Variants in CFAP69 observed in about 807,000 individuals in gnomAD.
CFAP69 encodes the protein cilia and flagella associated protein 69.
Under a neutral mutation model 123.0 loss-of-function variants are expected in CFAP69, and 92 were observed. The ratio of observed to expected loss-of-function variants is 0.75; its 90% CI spans 0.63 to 0.89. The LOEUF (loss-of-function observed/expected upper bound fraction) is 0.89. CFAP69 is among the 40% of genes least tolerant of loss of function. CFAP69 has a pLI of 0.00. For missense variants in CFAP69, 1,067 were observed against 1,096.9 expected (o/e 0.97, Z 0.39); for synonymous variants, 380 against 364.3 (o/e 1.04, Z -0.49).
chr7:90,290,374 T>A (rs958584123), intron 15 of CFAP69, among the ~76,000 whole-genome samples: 13 of 152,164 alleles, frequency 8.5e-5, no homozygotes, highest in African/African-American at 2.9e-4. Flanking sequence ...ATATTTCCAT[T>A]TGAGTCTGAA....
At chr7:90,266,388 T>A (rs961355326) in intron 5 of CFAP69, among the ~76,000 whole-genome samples, 1 of 152,070 alleles carries the variant, frequency 6.6e-6, no homozygotes, top group African/African-American at 2.4e-5. Context: ...AATATGGGAA[T>A]TTTTAATTAT....
At chr7:90,249,355 A>G (rs970929351) in intron 1 of CFAP69, among the ~76,000 whole-genome samples, 3 of 152,100 alleles carry the variant, frequency 2.0e-5, no homozygotes, top group Non-Finnish European at 2.9e-5. Flanking sequence ...TGGAACTGTG[A>G]GTCAATTAAA....
At chr7:90,312,102 A>G (rs992664630), downstream of CFAP69, among the ~76,000 whole-genome samples, 5 of 152,156 alleles carry the variant, frequency 3.3e-5, no homozygotes, top group Non-Finnish European at 7.4e-5. Flanking sequence ...TAATTATTGT[A>G]CTTAGTATCT....
chr7:90,270,808 A>G (rs10487108), intron 6 of CFAP69, among the ~76,000 whole-genome samples: 10,680 of 152,208 alleles, frequency 0.07, 547 homozygotes, highest in South Asian at 0.21. Flanking sequence ...GTTGAATGTA[A>G]TTAGGTATAC....
At chr7:90,301,857 G>A (rs913554137) in intron 17 of CFAP69, 1 of 152,174 alleles carries the variant, frequency 6.6e-6, no homozygotes, top group East Asian at 1.9e-4. Context: ...CAGGATTGCT[G>A]GGTCGAATAG....
Position 90,299,842 on chromosome 7 carries a change from TTCCTTTTCTG to T in CFAP69, c.1858-23_1858-14del. 1 of 1,545,860 alleles carries T rather than the reference TTCCTTTTCTG, an allele frequency of 6.5e-7. No homozygotes were observed. The highest frequency in any genetic ancestry group is 2.0e-5 in the Admixed American group (1 of 51,220). ...ATTCTTAATATTTATTGCAACTTTT[TTCCTTTTCTG>T]TTTCCTTGCTAAAGTTGAACCAAAA... On this transcript the variant is annotated splice_polypyrimidine_tract_variant and intron_variant, in intron 16 of 22. Coordinates refer to ENST00000389297, the MANE Select transcript of CFAP69 (RefSeq NM_001039706.3).
Position 90,309,253 on chromosome 7 carries a change from A to G in CFAP69, c.2551-10A>G. 7.4e-7 allele frequency: 1 copy of G among 1,343,790 alleles called. No individual in the cohort carries two copies. The highest frequency in any genetic ancestry group is 2.3e-5 in the Admixed American group (1 of 42,596). 83.2% of individuals were successfully genotyped at this position (1,343,790 alleles called of 1,614,324 possible). A position where few individuals can be genotyped will look rare whatever the true frequency, so the allele number is the denominator to read the frequency against. The stretch of plus-strand genomic sequence containing the variant: ...AATTAATATTTTCTTTCTAATTTAA[A>G]AATCCTCAGAAAGCAAAAAGCCTTC... On this transcript the variant is annotated splice_polypyrimidine_tract_variant and intron_variant, in intron 21 of 22. Transcript: ENST00000389297.
At chr7:90,321,008 C>A in the CFAP69 span, 1 of 152,106 alleles carries the variant, frequency 6.6e-6, no homozygotes, top group Non-Finnish European at 1.5e-5. Context: ...GTCCTGGGTG[C>A]GCTACGCTCG....
At chr7:90,289,430 C>CT (rs142692373) in intron 15 of CFAP69, among the ~76,000 whole-genome samples, 3,010 of 152,018 alleles carry the variant, frequency 0.02, 96 homozygotes, top group East Asian at 0.11. Flanking sequence ...TTTAAATAGC[C>CT]TTTTTTTGTG....
intron 18 of CFAP69, 101 bp from the exon 19 acceptor site, chr7:90,304,643 G>GTAGA (rs66750678): frequency 0.11 from 143,764 of 1,273,134 alleles, 5,747 homozygotes; most frequent in African/African-American, 0.13. Context: ...TTTTAGATAG[G>GTAGA]TAGATAGATA....
Position 90,269,167 on chromosome 7 carries a change from G to A in CFAP69, c.532+783G>A, listed in dbSNP as rs1213832069. Among the ~76,000 whole-genome samples, 4 of 151,940 alleles carry A rather than the reference G, an allele frequency of 2.6e-5. No homozygotes were observed. In the East Asian group the frequency reaches 5.8e-4, roughly 22 times the overall value. ...AAAATGGAACAGCACCTAAACTAGA[G>A]AAATGAATAAGGAGATTATTAAATG... On this transcript the variant is annotated intron_variant, in intron 6 of 22. Transcript: ENST00000389297.
intron 15 of CFAP69, 64 bp from the exon 16 acceptor site, chr7:90,297,685 A>G: frequency 1.0e-6 from 1 of 992,764 alleles, no homozygotes; most frequent in Non-Finnish European, 1.5e-6. Flanking sequence ...GATAAAGATA[A>G]AGCTGTACAA....
chr7:90,307,923 A>G, intron 21 of CFAP69, 69 bp downstream of exon 21: 2 of 968,422 alleles, frequency 2.1e-6, no homozygotes, highest in South Asian at 3.0e-5. Context: ...TTTTTCAGGA[A>G]CAAATATTCA....
At chr7:90,286,514 ATAAT>A (rs1790300423) in intron 14 of CFAP69, 115 bp downstream of exon 14, 1 of 1,059,980 alleles carries the variant, frequency 9.4e-7, no homozygotes, top group African/African-American at 1.6e-5. Context: ...ATTTTTGTTA[ATAAT>A]TAGAGCATAA....
intron 1 of CFAP69, among the ~76,000 whole-genome samples, chr7:90,254,642 G>A (rs941554634): frequency 2.0e-5 from 3 of 152,088 alleles, no homozygotes; most frequent in Admixed American, 2.0e-4. Flanking sequence ...TCATCCTTTG[G>A]GAAGGTAACA....
chr7:90,321,626 G>T, the CFAP69 span, among the ~76,000 whole-genome samples: 1 of 152,104 alleles, frequency 6.6e-6, no homozygotes, highest in East Asian at 1.9e-4. Flanking sequence ...GCCCACCCAT[G>T]CTCCACACCG....
chr7:90,309,974 G>A (rs1794139964), intron 22 of CFAP69, 94 bp from the exon 23 acceptor site: 1 of 1,002,534 alleles, frequency 1.0e-6, no homozygotes, highest in East Asian at 2.4e-5. Context: ...TTACATTTGT[G>A]TCTTTTCAAA....
At chr7:90,267,594 C>T (rs899200304) in intron 5 of CFAP69, among the ~76,000 whole-genome samples, 12 of 152,154 alleles carry the variant, frequency 7.9e-5, no homozygotes, top group Non-Finnish European at 1.5e-4. Context: ...CCTTCCTATT[C>T]GCCAACCCCA....
At position 90,268,290 on chromosome 7, in the gene CFAP69, C is replaced by T. The variant is rs1799443472; in HGVS notation, c.438C>T (p.Asp146=). Residue 146 remains aspartate (D), a synonymous_variant, in exon 6 of 23, where the codon GAC becomes GAT. Coordinates refer to ENST00000389297, the MANE Select transcript of CFAP69 (RefSeq NM_001039706.3). ...DTANSIALLG[D]LMKIPSSELR... is the part of the protein sequence containing the mutation. ...ACCTGTTTATCTTTCTGGCAGGTGACTTAATGAAAATACCAAGTTCTGAAT... is the reference window on the plus strand; with the variant it reads ...ACCTGTTTATCTTTCTGGCAGGTGATTTAATGAAAATACCAAGTTCTGAAT... 1 of 1,602,666 alleles carries T rather than the reference C, an allele frequency of 6.2e-7. No individual in the cohort carries two copies. The highest frequency in any genetic ancestry group is 1.1e-5 in the South Asian group (1 of 89,208).
Sources: allele counts gnomAD v4.1 joint callset (sites outside exome capture counted in the v4.1 genomes callset), GRCh38; gene constraint gnomAD v4.1.1; transcripts MANE v1.5; gene names NCBI Gene and HGNC (gene_info 2026-07-23, HGNC 2026-07-21).